ADCY8: variants seen among roughly 807,000 people sequenced by gnomAD.
ADCY8 encodes adenylate cyclase type 8.
In ADCY8, 51 loss-of-function variants were observed where a neutral mutation model predicts 119.7. The observed-to-expected ratio is 0.43, with a 90% CI of 0.34 to 0.54. The LOEUF (loss-of-function observed/expected upper bound fraction) is 0.54. ADCY8 is among the 20% of genes least tolerant of loss of function. ADCY8 has a pLI of 0.03. For synonymous variants in ADCY8, 665 were observed against 651.0 expected, an observed-to-expected ratio of 1.02 and a Z score of -0.33; for missense variants, 1,383 against 1,598.8, an observed-to-expected ratio of 0.87 and a Z score of 2.30.
intron 14 of ADCY8, among the ~76,000 whole-genome samples, chr8:130,806,946 C>T (rs1290244931): frequency 6.6e-6 from 1 of 152,208 alleles, no homozygotes; most frequent in East Asian, 1.9e-4. Context: ...TCACTCAACT[C>T]ACTCCAGTCA....
At chr8:130,801,800 TG>T (rs1815786133) in intron 14 of ADCY8, among the ~76,000 whole-genome samples, 1 of 152,160 alleles carries the variant, frequency 6.6e-6, no homozygotes, top group East Asian at 1.9e-4. Context: ...ACCTGCAGAT[TG>T]GTGTTTTTAT....
chr8:130,983,132 C>T (rs111249605), intron 2 of ADCY8, among the ~76,000 whole-genome samples: 1,832 of 152,222 alleles, frequency 0.012, 46 homozygotes, highest in African/African-American at 0.042. Context: ...AAGAGAGTTA[C>T]TGAAAAATTA....
intron 5 of ADCY8, among the ~76,000 whole-genome samples, chr8:130,934,753 G>A (rs1820735430): frequency 6.6e-6 from 1 of 152,168 alleles, no homozygotes; most frequent in South Asian, 2.1e-4. Context: ...TCCTAAAGTG[G>A]AGTACTTCCG....
At chr8:130,809,004 G>A (rs1055083486) in intron 14 of ADCY8, among the ~76,000 whole-genome samples, 25 of 152,284 alleles carry the variant, frequency 1.6e-4, no homozygotes, top group African/African-American at 6.0e-4. Flanking sequence ...TTATCTGCAA[G>A]AATGTTCCTG....
chr8:130,992,505 C>T (rs1356977420), intron 1 of ADCY8, among the ~76,000 whole-genome samples: 3 of 149,400 alleles, frequency 2.0e-5, no homozygotes, highest in Non-Finnish European at 3.0e-5. Flanking sequence ...ACCTCTGCCT[C>T]CCAGATTCAA....
Position 130,956,982 on chromosome 8 carries a change from C to T in ADCY8, c.1111-4984G>A, listed in dbSNP as rs147720600. 1.9e-3 allele frequency among the ~76,000 whole-genome samples: 292 copies of T among 152,240 alleles called. 3 individuals are homozygous for T. The highest frequency in any genetic ancestry group is 0.017 in the Middle Eastern group (5 of 294). ...GTCTTGGGTATATCTTTACTAGTAG[C>T]GTGAAAACAGACGAATACAATAAAT... On this transcript the variant is annotated intron_variant, in intron 2 of 17. Transcript: ENST00000286355.
At chr8:130,911,146 A>G (rs1819969250) in intron 5 of ADCY8, among the ~76,000 whole-genome samples, 1 of 152,222 alleles carries the variant, frequency 6.6e-6, no homozygotes, top group African/African-American at 2.4e-5. Context: ...TTCCAACTCA[A>G]GATGATGACT....
chr8:130,984,898 G>C (rs1371649500), intron 2 of ADCY8, among the ~76,000 whole-genome samples: 1 of 152,160 alleles, frequency 6.6e-6, no homozygotes, highest in Non-Finnish European at 1.5e-5. Flanking sequence ...AGAAAAGAAT[G>C]TAATGTTAGA....
At chr8:130,918,379 A>T (rs1004532378) in intron 5 of ADCY8, among the ~76,000 whole-genome samples, 3 of 152,122 alleles carry the variant, frequency 2.0e-5, no homozygotes, top group Admixed American at 6.5e-5. Flanking sequence ...ATTTAAACCT[A>T]ATTAGATCCC....
At chr8:130,914,450 A>G (rs1011600477) in intron 5 of ADCY8, among the ~76,000 whole-genome samples, 6 of 151,366 alleles carry the variant, frequency 4.0e-5, no homozygotes, top group African/African-American at 9.9e-5. Context: ...AAGCATAGCA[A>G]GAAGACTTCA....
intron 6 of ADCY8, among the ~76,000 whole-genome samples, chr8:130,907,836 C>T (rs1466448488): frequency 6.6e-6 from 1 of 152,120 alleles, no homozygotes; most frequent in Non-Finnish European, 1.5e-5. Flanking sequence ...AAGAAGGAAC[C>T]CTCACACAGG....
intron 2 of ADCY8, among the ~76,000 whole-genome samples, chr8:130,982,833 ATTTC>A (rs984543225): frequency 6.6e-6 from 1 of 152,186 alleles, no homozygotes; most frequent in African/African-American, 2.4e-5. Flanking sequence ...GATATTTTGC[ATTTC>A]TTCTTTTTTT....
At chr8:130,903,168 A>G (rs1819657470) in intron 7 of ADCY8, among the ~76,000 whole-genome samples, 1 of 151,974 alleles carries the variant, frequency 6.6e-6, no homozygotes, top group Non-Finnish European at 1.5e-5. Context: ...TTGGTGATCT[A>G]CTCCTTATGT....
Position 131,005,995 on chromosome 8 carries a change from G to A in ADCY8, c.961-15453C>T, listed in dbSNP as rs374746013. On this transcript the variant is annotated intron_variant, in intron 1 of 17. Transcript: ENST00000286355. ...ACATTTGGTTCCCTTTTCCTTAAAT[G>A]TCTCCCTGCTCCCACTCCAAATTCT... Among the ~76,000 whole-genome samples, 94 of 152,042 alleles carry A rather than the reference G, an allele frequency of 6.2e-4. 1 individual carries two copies. The highest frequency in any genetic ancestry group is 2.1e-3 in the African/African-American group (88 of 41,496).
At chr8:130,825,819 C>A (rs1400465502) in intron 12 of ADCY8, among the ~76,000 whole-genome samples, 1 of 152,172 alleles carries the variant, frequency 6.6e-6, no homozygotes, top group Admixed American at 6.5e-5. Flanking sequence ...TTGATTTACT[C>A]TGGTGTGGTC....
intron 5 of ADCY8, among the ~76,000 whole-genome samples, chr8:130,911,195 T>C (rs893282077): frequency 6.6e-6 from 1 of 152,198 alleles, no homozygotes; most frequent in African/African-American, 2.4e-5. Context: ...TTAAAGAAAT[T>C]GATGCTCTGA....
At chr8:130,806,028 C>T (rs1349839753) in intron 14 of ADCY8, among the ~76,000 whole-genome samples, 6 of 152,174 alleles carry the variant, frequency 3.9e-5, no homozygotes, top group South Asian at 2.1e-4. Flanking sequence ...ACTCCCTCCC[C>T]GGCATTTCCC....
Position 130,904,017 on chromosome 8 carries a change from G to T in ADCY8, c.1666C>A (p.Leu556Met). The T allele has an allele frequency of 1.9e-6, 3 of 1,613,318 alleles. No individual in the cohort carries two copies. The highest frequency in any genetic ancestry group is 2.5e-6 in the Non-Finnish European group (3 of 1,179,352). Residue 556 changes from leucine (L) to methionine (M), a missense_variant, in exon 7 of 18, where the codon CTG (leucine) becomes ATG (methionine). Leu to Met is a conservative substitution (Grantham distance 15). Around this residue, in one of 2 missense-constraint regions of ADCY8, gnomAD observed 928 missense variants for 1,163.5 expected, o/e 0.80. Transcript: ENST00000286355. ...TTATAGTCACCGTTGAGACAGTCCA[G>T]CGTGGCTTTGGAAATGTGAATCCTC... is the stretch of plus-strand genomic sequence containing the variant. ...PGRIHISKAT[L>M]DCLNGDYNVE... is the part of the protein sequence containing the mutation.
intron 9 of ADCY8, among the ~76,000 whole-genome samples, chr8:130,864,506 C>T (rs1295426948): frequency 6.6e-6 from 1 of 152,086 alleles, no homozygotes; most frequent in East Asian, 1.9e-4. Context: ...GAAATCATCC[C>T]AGAGTTCTTG....
Sources: allele counts gnomAD v4.1 joint callset (sites outside exome capture counted in the v4.1 genomes callset), GRCh38; gene constraint gnomAD v4.1.1; regional missense constraint gnomAD v4.1.1; transcripts MANE v1.5; gene names NCBI Gene and HGNC (gene_info 2026-07-23, HGNC 2026-07-21).